CASP8: variants seen among roughly 807,000 people sequenced by gnomAD.
The protein encoded by CASP8 is caspase-8.
CASP8 carries 24 observed loss-of-function variants against 46.3 expected under a neutral mutation model. The ratio of observed to expected loss-of-function variants is 0.52; its 90% CI spans 0.38 to 0.73. CASP8 has a LOEUF of 0.73. Among genes scored for constraint, CASP8 ranks in the 30% least tolerant of loss-of-function variants. The probability of loss-of-function intolerance (pLI) is 0.00; values close to 1 mark genes in which losing one functional copy is unlikely to be tolerated. For synonymous variants in CASP8, 188 were observed against 200.4 expected (o/e 0.94, Z 0.52); for missense variants, 460 against 559.0 (o/e 0.82, Z 1.79).
At chr2:201,253,431 G>A (rs1047581675) in intron 2 of CASP8, among the ~76,000 whole-genome samples, 2 of 147,370 alleles carry the variant, frequency 1.4e-5, no homozygotes, top group South Asian at 2.2e-4. Flanking sequence ...CTGTCTGTAA[G>A]ACACATGCTC....
At chr2:201,277,003 T>G in intron 7 of CASP8, 35 bp downstream of exon 7, 1 of 1,472,674 alleles carries the variant, frequency 6.8e-7, no homozygotes, top group African/African-American at 1.4e-5. Context: ...AGTAAAATAT[T>G]TCTTATGCCT....
intron 2 of CASP8, among the ~76,000 whole-genome samples, chr2:201,268,428 G>A (rs370162003): frequency 6.6e-6 from 1 of 152,158 alleles, no homozygotes; most frequent in South Asian, 2.1e-4. Flanking sequence ...GCTCACGCCT[G>A]TAATCCCAGC....
chr2:201,255,259 G>C (rs1946962740), intron 2 of CASP8, among the ~76,000 whole-genome samples: 2 of 152,084 alleles, frequency 1.3e-5, no homozygotes, highest in African/African-American at 4.8e-5. Flanking sequence ...TGTATTTTTA[G>C]TAGAGATGGG....
Position 201,272,806 on chromosome 2 carries a change from C to T in CASP8, c.550+30C>T. 6.2e-7 allele frequency: 1 copy of T among 1,614,040 alleles called. No homozygotes were observed. The highest frequency in any genetic ancestry group is 8.5e-7 in the Non-Finnish European group (1 of 1,179,902). Reference sequence around the variant, plus strand: ...AAACAACCTGACAGCCGGGAATCGGCAAAACCTACTCTAAAATTGAAACTG... The same window carrying T: ...AAACAACCTGACAGCCGGGAATCGGTAAAACCTACTCTAAAATTGAAACTG... On this transcript the variant is annotated intron_variant, in intron 4 of 8. Coordinates refer to ENST00000673742, the MANE Select transcript of CASP8 (RefSeq NM_001372051.1). This position sits in a 1 kb window ranked among gnomAD's most constrained non-coding sequence, Gnocchi z 4.4.
At chr2:201,270,649 C>CT (rs1948179130) in intron 2 of CASP8, among the ~76,000 whole-genome samples, 1 of 152,138 alleles carries the variant, frequency 6.6e-6, no homozygotes, top group Admixed American at 6.5e-5. Context: ...CTCACCTCAG[C>CT]TTCTGGAGTA....
chr2:201,258,078 T>G, upstream of CASP8: 1 of 800,832 alleles, frequency 1.2e-6, no homozygotes, highest in Non-Finnish European at 2.1e-6. Flanking sequence ...TACCCTGCAG[T>G]TCCTTCTGTG....
At chr2:201,284,783 G>C (rs773721010) in intron 7 of CASP8, 33 bp from the exon 8 acceptor site, 56 of 1,593,376 alleles carry the variant, frequency 3.5e-5, no homozygotes, top group Non-Finnish European at 4.5e-5. Flanking sequence ...AATTACTGTG[G>C]TATAACGTGA....
At chr2:201,254,734 G>A (rs1270212763) in intron 2 of CASP8, among the ~76,000 whole-genome samples, 1 of 152,230 alleles carries the variant, frequency 6.6e-6, no homozygotes, top group Non-Finnish European at 1.5e-5. Context: ...CTTTCAGCCG[G>A]CTGGTGGACA....
intron 2 of CASP8, chr2:201,241,656 A>G (rs1170040289): frequency 2.6e-5 from 4 of 152,208 alleles, no homozygotes; most frequent in African/African-American, 4.8e-5. Context: ...TTCTTAAACT[A>G]TTTTTAAAAA....
chr2:201,244,386 GGA>G (rs1232608605), intron 2 of CASP8, among the ~76,000 whole-genome samples: 1 of 152,178 alleles, frequency 6.6e-6, no homozygotes, highest in Non-Finnish European at 1.5e-5. Flanking sequence ...CTATTCTGTA[GGA>G]GAGAGAGAAG....
Position 201,266,872 on chromosome 2 carries a change from G to A in CASP8, c.305+81G>A. On this transcript the variant is annotated intron_variant, in intron 2 of 8. Coordinates refer to ENST00000673742, the MANE Select transcript of CASP8 (RefSeq NM_001372051.1). The surrounding 1 kb of genome is among the most constrained non-coding windows in gnomAD (Gnocchi z 5.7). ...TGAGCTGATTGGGGCTTTTTTTTGT[G>A]GTACCCTGCCTAGTGCCTGGGAACC... 1 of 1,035,630 alleles carries A rather than the reference G, an allele frequency of 9.7e-7. No homozygotes were observed. Among genetic ancestry groups the A allele is most frequent in the South Asian group, 1.6e-5 (1 of 63,522 alleles). 64.2% of individuals were successfully genotyped at this position (1,035,630 alleles called of 1,614,324 possible). A position where few individuals can be genotyped will look rare whatever the true frequency, so the allele number is the denominator to read the frequency against.
At chr2:201,261,259 C>T (rs954257173) in intron 1 of CASP8, among the ~76,000 whole-genome samples, 1 of 151,872 alleles carries the variant, frequency 6.6e-6, no homozygotes, top group East Asian at 1.9e-4. Context: ...GGCATGATGG[C>T]GCATGCCTGT....
At chr2:201,253,299 T>TG (rs1228439460) in intron 2 of CASP8, among the ~76,000 whole-genome samples, 1 of 108,860 alleles carries the variant, frequency 9.2e-6, no homozygotes, top group East Asian at 3.4e-4. Context: ...TGATCTTTTT[T>TG]TTTTTTTTTT....
At chr2:201,273,008 C>T in intron 5 of CASP8, 66 bp downstream of exon 5, 1 of 1,358,638 alleles carries the variant, frequency 7.4e-7, no homozygotes, top group Non-Finnish European at 1.1e-6. Flanking sequence ...ATGTGTCCTC[C>T]CCACAGCCTT....
intron 6 of CASP8, among the ~76,000 whole-genome samples, chr2:201,275,586 C>T (rs1416046849): frequency 6.6e-6 from 1 of 152,150 alleles, no homozygotes; most frequent in African/African-American, 2.4e-5. Context: ...AGTGTGGGCT[C>T]CTGAGAAAAT....
At chr2:201,268,152 T>G (rs111422714) in intron 2 of CASP8, among the ~76,000 whole-genome samples, 321 of 152,100 alleles carry the variant, frequency 2.1e-3, no homozygotes, top group Middle Eastern at 3.4e-3. Flanking sequence ...CTCGAACTCC[T>G]GACCTTAAGT....
chr2:201,258,132 G>C, upstream of CASP8: 1 of 1,359,450 alleles, frequency 7.4e-7, no homozygotes, highest in Non-Finnish European at 1.1e-6. Flanking sequence ...CTGCCTTTCT[G>C]CTGGAGGGAA....
intron 2 of CASP8, among the ~76,000 whole-genome samples, chr2:201,253,858 G>C (rs190271833): frequency 6.6e-6 from 1 of 151,956 alleles, no homozygotes; most frequent in Non-Finnish European, 1.5e-5. Flanking sequence ...GAGGTGGGTC[G>C]ATCACCTAAG....
chr2:201,237,673 A>G (rs1161850152), intron 2 of CASP8, among the ~76,000 whole-genome samples: 6 of 151,880 alleles, frequency 4.0e-5, no homozygotes, highest in African/African-American at 1.5e-4. Flanking sequence ...ACTTGCACAC[A>G]CTCCCCGCAA....
Sources: allele counts gnomAD v4.1 joint callset (sites outside exome capture counted in the v4.1 genomes callset), GRCh38; gene constraint gnomAD v4.1.1; non-coding constraint Gnocchi (gnomAD v3.1); transcripts MANE v1.5; gene names NCBI Gene and HGNC (gene_info 2026-07-23, HGNC 2026-07-21).